The following FARP1 variants were observed in gnomAD, a reference collection of about 807,000 sequenced individuals.
FARP1 encodes the protein FERM, ARH/RhoGEF and pleckstrin domain protein 1.
FARP1 carries 52 observed loss-of-function variants against 128.8 expected under a neutral mutation model. That is an observed-to-expected ratio of 0.40 (90% confidence interval 0.32 to 0.51). The LOEUF is 0.51. Ranked by LOEUF, FARP1 falls within the 20% of genes least tolerant of loss-of-function variation. The probability of loss-of-function intolerance (pLI) is 0.45; values close to 1 mark genes in which losing one functional copy is unlikely to be tolerated. For missense variants in FARP1, 1,333 were observed against 1,367.9 expected (o/e 0.97, Z 0.40); for synonymous variants, 580 against 551.8 (o/e 1.05, Z -0.72).
chr13:98,188,435 C>T (rs1203310035), intron 1 of FARP1, among the ~76,000 whole-genome samples: 1 of 152,038 alleles, frequency 6.6e-6, no homozygotes, highest in Non-Finnish European at 1.5e-5. Flanking sequence ...GTGGTGTGTG[C>T]CTGTAATCCC....
intron 6 of FARP1, among the ~76,000 whole-genome samples, chr13:98,382,874 G>C (rs560594898): frequency 6.6e-6 from 1 of 152,110 alleles, no homozygotes; most frequent in Non-Finnish European, 1.5e-5. Context: ...TGTCTGTCTT[G>C]TGTCCCCGCG....
In FARP1 at chr13:98,176,712, G is replaced by C. The variant is rs1378493706; in HGVS notation, c.-24+33220G>C. ...GCAGATGCCCTGGCGCACGTATGGG[G>C]CCCTTCCTCGCCATCCCCGAGGAGG... On this transcript the variant is annotated intron_variant, in intron 1 of 26. Transcript: ENST00000319562. The surrounding 1 kb of genome is among the most constrained non-coding windows in gnomAD (Gnocchi z 6.2). 6.2e-7 allele frequency: 1 copy of C among 1,614,044 alleles called. No homozygotes were observed. The highest frequency in any genetic ancestry group is 1.3e-5 in the African/African-American group (1 of 74,944).
Position 98,442,334 on chromosome 13 carries a change from C to G in FARP1, c.2796+1498C>G, listed in dbSNP as rs1165954614. Among the ~76,000 whole-genome samples the G allele has an allele frequency of 2.6e-5, 4 of 152,248 alleles. No individual in the cohort carries two copies. In the East Asian group the frequency reaches 7.7e-4, roughly 29 times the overall value. Reference sequence around the variant, plus strand: ...TCTCGAGAGAGTCTCGGAATTTATTCTCGGGAAACGACCTTCCCCGTTGCT... The same window carrying G: ...TCTCGAGAGAGTCTCGGAATTTATTGTCGGGAAACGACCTTCCCCGTTGCT... On this transcript the variant is annotated intron_variant, in intron 24 of 26. Transcript: ENST00000319562.
At chr13:98,229,685 C>CTT (rs10571699) in intron 2 of FARP1, among the ~76,000 whole-genome samples, 5 of 140,406 alleles carry the variant, frequency 3.6e-5, no homozygotes, top group African/African-American at 1.0e-4. Flanking sequence ...TACTTTATTT[C>CTT]TTTTTTTTTT....
At chr13:98,157,787 G>T (rs1876593688) in intron 1 of FARP1, among the ~76,000 whole-genome samples, 1 of 152,212 alleles carries the variant, frequency 6.6e-6, no homozygotes. Flanking sequence ...TTACACATCT[G>T]CATTCCTAAT....
At chr13:98,240,898 G>A (rs1323064764) in intron 2 of FARP1, among the ~76,000 whole-genome samples, 2 of 152,172 alleles carry the variant, frequency 1.3e-5, no homozygotes, top group Non-Finnish European at 2.9e-5. Context: ...TTTACGATCC[G>A]GCATTGAGCT....
At chr13:98,266,598 C>G (rs1884127408) in intron 2 of FARP1, among the ~76,000 whole-genome samples, 1 of 152,214 alleles carries the variant, frequency 6.6e-6, no homozygotes. Flanking sequence ...GGAAAAACTA[C>G]TTTTGGCAGA....
chr13:98,366,353 T>C (rs1162007873), intron 4 of FARP1, among the ~76,000 whole-genome samples: 1 of 152,222 alleles, frequency 6.6e-6, no homozygotes, highest in Non-Finnish European at 1.5e-5. Context: ...AGCAGTTACT[T>C]ATAATAATTA....
At chr13:98,197,827 G>A (rs538970633) in intron 1 of FARP1, among the ~76,000 whole-genome samples, 2 of 151,906 alleles carry the variant, frequency 1.3e-5, no homozygotes, top group Admixed American at 6.6e-5. Flanking sequence ...TAGTAGAGAC[G>A]GGGTTTCACT....
At chr13:98,441,337 A>G (rs1892516493) in intron 24 of FARP1, among the ~76,000 whole-genome samples, 1 of 152,246 alleles carries the variant, frequency 6.6e-6, no homozygotes, top group Non-Finnish European at 1.5e-5. Flanking sequence ...TAACAAGGGA[A>G]AAGCATGACC....
intron 3 of FARP1, among the ~76,000 whole-genome samples, chr13:98,358,607 T>TA (rs1339151516): frequency 6.6e-6 from 1 of 152,172 alleles, no homozygotes; most frequent in Admixed American, 6.6e-5. Flanking sequence ...AACAAATTAT[T>TA]ACAAAGAATT....
At chr13:98,232,375 C>A (rs1882183151) in intron 2 of FARP1, among the ~76,000 whole-genome samples, 1 of 150,632 alleles carries the variant, frequency 6.6e-6, no homozygotes, top group African/African-American at 2.4e-5. Flanking sequence ...TAAATGGGCA[C>A]CAATGTGCCT....
intron 2 of FARP1, among the ~76,000 whole-genome samples, chr13:98,291,204 T>G (rs1047855077): frequency 5.3e-5 from 8 of 152,176 alleles, no homozygotes; most frequent in Non-Finnish European, 1.0e-4. Context: ...CTGAGATTCC[T>G]ACAGTAAAGT....
intron 5 of FARP1, 32 bp downstream of exon 5, chr13:98,368,227 T>G (rs1207297971): frequency 6.9e-7 from 1 of 1,456,422 alleles, no homozygotes. Flanking sequence ...TATTTTTTGC[T>G]ACAGAGTACA....
At chr13:98,408,256 G>A (rs1414998760) in intron 13 of FARP1, among the ~76,000 whole-genome samples, 2 of 151,304 alleles carry the variant, frequency 1.3e-5, no homozygotes. Flanking sequence ...ATTTGCAAAA[G>A]TGTATTGGCA....
intron 2 of FARP1, among the ~76,000 whole-genome samples, chr13:98,298,310 A>G (rs983987983): frequency 1.1e-4 from 17 of 152,212 alleles, no homozygotes; most frequent in African/African-American, 4.1e-4. Flanking sequence ...ACACATCTCT[A>G]CGTTCATTCG....
At chr13:98,383,340 T>A (rs117664515) in intron 6 of FARP1, among the ~76,000 whole-genome samples, 2,328 of 152,254 alleles carry the variant, frequency 0.015, 32 homozygotes, top group Non-Finnish European at 0.025. Flanking sequence ...GAGAAATCAG[T>A]CCAGAAAAGG....
rs562553187 is a variant in FARP1 at position 98,242,485 on chromosome 13, G to A, written c.171+29072G>A. Among the ~76,000 whole-genome samples, 3 of 152,230 alleles carry A rather than the reference G, an allele frequency of 2.0e-5. No homozygotes were observed. The South Asian group carries it at 6.2e-4, about 32-fold the overall frequency. ...ATGGCCAGGAGTTCGAGACCAGCCT[G>A]GGCAACATAGTGAGACCTCCATCTC... On this transcript the variant is annotated intron_variant, in intron 2 of 26. Transcript: ENST00000319562.
intron 19 of FARP1, among the ~76,000 whole-genome samples, chr13:98,437,488 A>C (rs1892319014): frequency 6.6e-6 from 1 of 152,270 alleles, no homozygotes; most frequent in Admixed American, 6.5e-5. Flanking sequence ...AGAAAGCAAC[A>C]GCAAGGGAGG....
Sources: gnomAD v4.1 joint callset for allele counts (sites outside exome capture counted in the v4.1 genomes callset) on GRCh38, gnomAD v4.1.1 for gene constraint, Gnocchi (gnomAD v3.1) non-coding constraint, MANE v1.5 for transcripts, NCBI Gene and HGNC (gene_info 2026-07-23, HGNC 2026-07-21) for gene names.